STAU2: variants seen among roughly 807,000 people sequenced by gnomAD.
STAU2 encodes double-stranded RNA-binding protein Staufen homolog 2.
A neutral mutation model predicts 65.9 loss-of-function variants in STAU2; 20 were observed. The observed-to-expected ratio is 0.30, with a 90% CI of 0.21 to 0.44. The LOEUF (loss-of-function observed/expected upper bound fraction) is 0.44. Ranked by LOEUF, STAU2 falls within the 20% of genes least tolerant of loss-of-function variation. The pLI is 1.00. For missense variants in STAU2, 558 were observed against 683.9 expected, an observed-to-expected ratio of 0.82 and a Z score of 2.05; for synonymous variants, 232 against 233.9, an observed-to-expected ratio of 0.99 and a Z score of 0.07.
chr8:73,505,308 C>T (rs1231842016), intron 13 of STAU2, among the ~76,000 whole-genome samples: 1 of 151,898 alleles, frequency 6.6e-6, no homozygotes, highest in African/African-American at 2.4e-5. Flanking sequence ...GATCAGTTTA[C>T]TGGGCTGGGC....
intron 13 of STAU2, among the ~76,000 whole-genome samples, chr8:73,462,747 G>A (rs1819436856): frequency 6.6e-6 from 1 of 151,778 alleles, no homozygotes; most frequent in South Asian, 2.1e-4. Context: ...CCTTATTCCT[G>A]CTGCATCTAT....
intron 6 of STAU2, among the ~76,000 whole-genome samples, chr8:73,627,233 A>AG (rs1563467228): frequency 2.0e-4 from 1 of 5,088 alleles, no homozygotes; most frequent in African/African-American, 5.9e-4. Flanking sequence ...AGGGGGGGGC[A>AG]GGAGGGCGGG....
intron 3 of STAU2, among the ~76,000 whole-genome samples, chr8:73,728,723 T>C (rs1168097247): frequency 2.6e-5 from 4 of 152,226 alleles, no homozygotes; most frequent in African/African-American, 9.7e-5. Flanking sequence ...CTTTTTGTAT[T>C]GTTCATTCCG....
chr8:73,662,885 G>A (rs1447987876), intron 6 of STAU2, among the ~76,000 whole-genome samples: 1 of 151,996 alleles, frequency 6.6e-6, no homozygotes, highest in African/African-American at 2.4e-5. Flanking sequence ...CAAAGTGCTG[G>A]GATTACAGGC....
rs960066400 is a variant in STAU2 at position 73,653,854 on chromosome 8, T to C, written c.410+19253A>G. 1.8e-5 allele frequency: 8 copies of C among 435,018 alleles called. 1 individual carries two copies. Among genetic ancestry groups the C allele is most frequent in the South Asian group, 9.9e-5 (6 of 60,654 alleles). 26.9% of individuals were successfully genotyped at this position (435,018 alleles called of 1,614,324 possible). On this transcript the variant is annotated intron_variant, in intron 6 of 14. Transcript: ENST00000524300. The stretch of plus-strand genomic sequence containing the variant: ...CCAAAATTTGTCTTCAAATCCCTTT[T>C]ACCATGGAACATCTTATAACACTGA...
chr8:73,585,310 G>C (rs914640669), intron 11 of STAU2, among the ~76,000 whole-genome samples: 1 of 152,118 alleles, frequency 6.6e-6, no homozygotes, highest in Non-Finnish European at 1.5e-5. Context: ...GAGAAACCCC[G>C]TCTCTACTAA....
At chr8:73,636,592 G>C (rs1329610328) in intron 6 of STAU2, among the ~76,000 whole-genome samples, 1 of 152,168 alleles carries the variant, frequency 6.6e-6, no homozygotes, top group Non-Finnish European at 1.5e-5. Context: ...GCCGGGTGTG[G>C]TGGCTCATGC....
At chr8:73,699,879 A>AAAAAAAAAAAAAAAAAGG (rs750301967) in intron 4 of STAU2, among the ~76,000 whole-genome samples, 1 of 151,048 alleles carries the variant, frequency 6.6e-6, no homozygotes, top group Admixed American at 6.6e-5. Context: ...AAAAAAAAAA[A>AAAAAAAAAAAAAAAAAGG]CCTACAGACC....
At chr8:73,493,355 G>T (rs910936786) in intron 13 of STAU2, among the ~76,000 whole-genome samples, 11 of 151,602 alleles carry the variant, frequency 7.3e-5, no homozygotes, top group African/African-American at 1.2e-4. Context: ...GAGACTAAGA[G>T]AAAACAGACT....
intron 6 of STAU2, among the ~76,000 whole-genome samples, chr8:73,670,219 A>C (rs559363388): frequency 1.6e-3 from 243 of 152,338 alleles, no homozygotes; most frequent in Non-Finnish European, 2.6e-3. Context: ...TGTGGACACC[A>C]AGCTGAGGGC....
At chr8:73,449,155 G>A (rs1035281442) in intron 13 of STAU2, among the ~76,000 whole-genome samples, 30 of 152,232 alleles carry the variant, frequency 2.0e-4, no homozygotes, top group African/African-American at 7.0e-4. Flanking sequence ...CGGCGGGCAG[G>A]GGCCGGGCGA....
intron 13 of STAU2, among the ~76,000 whole-genome samples, chr8:73,429,550 A>G (rs567796570): frequency 4.7e-4 from 69 of 147,224 alleles, no homozygotes; most frequent in African/African-American, 1.7e-3. Flanking sequence ...CTCCCACCTC[A>G]GCCTCTCAAG....
chr8:73,739,914 A>T (rs1050098319), intron 1 of STAU2, 46 bp from the exon 2 acceptor site: 4 of 755,378 alleles, frequency 5.3e-6, no homozygotes, highest in Non-Finnish European at 6.7e-6. Context: ...CACTTCCAAG[A>T]TTAGGTTATA....
chr8:73,578,815 T>C (rs1054557167), intron 12 of STAU2, among the ~76,000 whole-genome samples: 1 of 152,214 alleles, frequency 6.6e-6, no homozygotes, highest in Non-Finnish European at 1.5e-5. Flanking sequence ...TTACATCCAA[T>C]TGGCTCCAAC....
At chr8:73,538,297 T>C (rs1806314157) in intron 13 of STAU2, among the ~76,000 whole-genome samples, 1 of 152,172 alleles carries the variant, frequency 6.6e-6, no homozygotes, top group Non-Finnish European at 1.5e-5. Context: ...TACTATTTTT[T>C]TTACTTTTCT....
intron 12 of STAU2, among the ~76,000 whole-genome samples, chr8:73,567,792 T>C (rs555533762): frequency 3.3e-5 from 5 of 152,114 alleles, no homozygotes; most frequent in Admixed American, 6.5e-5. Context: ...TCAAGTGATC[T>C]ACCCACCTCA....
chr8:73,735,848 T>C (rs1806395236), intron 3 of STAU2, among the ~76,000 whole-genome samples: 1 of 152,164 alleles, frequency 6.6e-6, no homozygotes. Flanking sequence ...AACTATAATT[T>C]TCAATGAAGT....
At chr8:73,532,109 A>C (rs1170160552) in intron 13 of STAU2, among the ~76,000 whole-genome samples, 1 of 152,210 alleles carries the variant, frequency 6.6e-6, no homozygotes, top group Admixed American at 6.5e-5. Flanking sequence ...CATTTTAGGC[A>C]TAACTAACCA....
intron 12 of STAU2, among the ~76,000 whole-genome samples, chr8:73,571,209 A>G (rs1013717527): frequency 1.3e-5 from 2 of 152,224 alleles, no homozygotes; most frequent in African/African-American, 4.8e-5. Flanking sequence ...TCCTAAATAT[A>G]TATGCACCCA....
Sources: allele counts gnomAD v4.1 joint callset (sites outside exome capture counted in the v4.1 genomes callset), GRCh38; gene constraint gnomAD v4.1.1; transcripts MANE v1.5; gene names NCBI Gene and HGNC (gene_info 2026-07-23, HGNC 2026-07-21).